Variants in CLCA2 observed in about 807,000 individuals in gnomAD.
The protein encoded by CLCA2 is calcium-activated chloride channel regulator 2.
In CLCA2, 85 loss-of-function variants were observed where a neutral mutation model predicts 82.9. That is an observed-to-expected ratio of 1.03 (90% confidence interval 0.86 to 1.23). The LOEUF is 1.23. CLCA2 is among the 50% of genes most tolerant of loss of function. The pLI is 0.00. For synonymous variants in CLCA2, 421 were observed against 391.7 expected (o/e 1.07, Z -0.88); for missense variants, 1,089 against 1,124.8 (o/e 0.97, Z 0.45).
At chr1:86,454,986 ATT>A in intron 13 of CLCA2, 97 bp from the exon 14 acceptor site, 1 of 630,006 alleles carries the variant, frequency 1.6e-6, no homozygotes, top group Non-Finnish European at 2.6e-6. Context: ...ATTTCTAAAT[ATT>A]TTGACTTTTT....
chr1:86,447,541 C>T lies in CLCA2; in HGVS notation c.1747C>T (p.His583Tyr), dbSNP rs749777390. 2 of 1,613,948 alleles carry T rather than the reference C, an allele frequency of 1.2e-6. No individual in the cohort carries two copies. Among genetic ancestry groups the T allele is most frequent in the East Asian group, 2.2e-5 (1 of 44,896 alleles). Residue 583 changes from histidine to tyrosine, a missense_variant, in exon 11 of 14, where the codon CAT becomes TAT. Physicochemically the swap from His to Tyr is moderately conservative, Grantham distance 83. Transcript: ENST00000370565. ...CTGGACTTACACCCTGAACAATACC[C>T]ATCATTCTCTGCAAGCCCTGAAAGT... is the stretch of plus-strand genomic sequence containing the variant. ...GHWTYTLNNT[H>Y]HSLQALKVTV...
intron 6 of CLCA2, 131 bp downstream of exon 6, chr1:86,434,876 C>A: frequency 1.4e-6 from 1 of 728,026 alleles, no homozygotes; most frequent in South Asian, 1.8e-5. Context: ...TAGACATGTG[C>A]CATAGTGGTT....
chr1:86,441,211 T>C (rs1662730022), intron 8 of CLCA2, among the ~76,000 whole-genome samples: 1 of 152,156 alleles, frequency 6.6e-6, no homozygotes, highest in African/African-American at 2.4e-5. Flanking sequence ...GTACATAAGT[T>C]CTAGGCCCTG....
At chr1:86,440,502 C>T (rs979370396) in intron 8 of CLCA2, among the ~76,000 whole-genome samples, 177 bp downstream of exon 8, 5 of 152,040 alleles carry the variant, frequency 3.3e-5, no homozygotes, top group East Asian at 3.9e-4. Flanking sequence ...TTTACATTTT[C>T]CCTAAAGGTT....
intron 6 of CLCA2, among the ~76,000 whole-genome samples, chr1:86,435,630 C>T (rs921712674): frequency 4.6e-5 from 7 of 152,130 alleles, no homozygotes; most frequent in Non-Finnish European, 8.8e-5. Context: ...CATGATGGCC[C>T]CTCTGAAGCA....
chr1:86,429,591 A>G (rs1359619127), intron 3 of CLCA2, among the ~76,000 whole-genome samples: 1 of 152,224 alleles, frequency 6.6e-6, no homozygotes, highest in East Asian at 1.9e-4. Flanking sequence ...TCAGGGTCAT[A>G]GGCCTAGAGA....
chr1:86,426,130 C>A (rs938061105), intron 2 of CLCA2, among the ~76,000 whole-genome samples: 3 of 151,998 alleles, frequency 2.0e-5, no homozygotes, highest in Non-Finnish European at 4.4e-5. Context: ...CTGGTACATA[C>A]TAGTGTGCAC....
chr1:86,428,823 T>A (rs191024351), intron 3 of CLCA2, among the ~76,000 whole-genome samples: 1 of 152,230 alleles, frequency 6.6e-6, no homozygotes, highest in East Asian at 1.9e-4. Flanking sequence ...TCAAGGGTGG[T>A]CAGAAATGTC....
At chr1:86,450,893 T>C (rs981248585) in intron 12 of CLCA2, among the ~76,000 whole-genome samples, 160 bp downstream of exon 12, 15 of 152,196 alleles carry the variant, frequency 9.9e-5, no homozygotes, top group African/African-American at 3.6e-4. Context: ...TCTTCAATCC[T>C]CAGTGATTCA....
At chr1:86,429,143 G>A (rs550365857) in intron 3 of CLCA2, among the ~76,000 whole-genome samples, 63 of 152,204 alleles carry the variant, frequency 4.1e-4, no homozygotes, top group African/African-American at 1.5e-3. Context: ...ATCAATGAAG[G>A]AGAAACTGGA....
intron 5 of CLCA2, 100 bp from the exon 6 acceptor site, chr1:86,434,418 T>C: frequency 1.1e-6 from 1 of 912,030 alleles, no homozygotes. Flanking sequence ...TTCTTTTCTT[T>C]CAGTTCACCT....
intron 4 of CLCA2, 52 bp from the exon 5 acceptor site, chr1:86,432,317 C>T: frequency 6.3e-7 from 1 of 1,589,320 alleles, no homozygotes; most frequent in Admixed American, 1.8e-5. Flanking sequence ...CAACAAGAAA[C>T]ATAAGTGTTT....
At chr1:86,435,185 T>G (rs1558106879) in intron 6 of CLCA2, among the ~76,000 whole-genome samples, 3 of 152,158 alleles carry the variant, frequency 2.0e-5, no homozygotes, top group Non-Finnish European at 4.4e-5. Context: ...ATCCTATTTT[T>G]TGGGGGTTGG....
intron 2 of CLCA2, among the ~76,000 whole-genome samples, chr1:86,426,552 G>C (rs546976412): frequency 1.6e-4 from 25 of 152,252 alleles, no homozygotes; most frequent in African/African-American, 6.0e-4. Flanking sequence ...ATAGGTGGGG[G>C]AACTGGGGTA....
chr1:86,431,004 T>G (rs1662488116), intron 4 of CLCA2, 34 bp downstream of exon 4: 2 of 1,442,508 alleles, frequency 1.4e-6, no homozygotes, highest in Non-Finnish European at 1.9e-6. Context: ...AATTCATTAT[T>G]TATTTGACTC....
In CLCA2 at chr1:86,434,726, T is replaced by C; in HGVS notation, c.953T>C (p.Val318Ala). 1 of 1,611,058 alleles carries C rather than the reference T, an allele frequency of 6.2e-7. No homozygotes were observed. The highest frequency in any genetic ancestry group is 1.3e-5 in the African/African-American group (1 of 75,006). Residue 318 changes from valine (V) to alanine (A), a missense_variant, in exon 6 of 14, where the codon GTG (valine) becomes GCG (alanine). Physicochemically the swap from Val to Ala is moderately conservative, Grantham distance 64. Coordinates refer to ENST00000370565, the MANE Select transcript of CLCA2 (RefSeq NM_006536.7). ...AAAGTGGTCTGTTTAGTGCTGGATG[T>C]GTCCAGCAAGATGGCAGAGGTAACA... is the stretch of plus-strand genomic sequence containing the variant. ...GDKVVCLVLD[V>A]SSKMAEADRL...
chr1:86,438,163 T>G (rs1558108955), intron 6 of CLCA2, among the ~76,000 whole-genome samples: 1 of 152,158 alleles, frequency 6.6e-6, no homozygotes, highest in African/African-American at 2.4e-5. Context: ...GAGATCAGTG[T>G]CATCCCTGAG....
At position 86,430,769 on chromosome 1, in the gene CLCA2, A is replaced by G. The variant is rs374616980; in HGVS notation, c.476-93A>G. ...AAACTCTTTGGTCATTCCAAAGAGTATGTGTGGTCAAGAAATGTTACGTCT... is the reference window on the plus strand; with the variant it reads ...AAACTCTTTGGTCATTCCAAAGAGTGTGTGTGGTCAAGAAATGTTACGTCT... On this transcript the variant is annotated intron_variant, in intron 3 of 13. Coordinates refer to ENST00000370565, the MANE Select transcript of CLCA2 (RefSeq NM_006536.7). 81 of 899,714 alleles carry G rather than the reference A, an allele frequency of 9.0e-5. No homozygotes were observed. The African/African-American group carries it at 1.2e-3, about 14-fold the overall frequency. The allele number at this position is 899,714 out of a possible 1,614,324, so 55.7% of individuals were successfully genotyped here. A position where few individuals can be genotyped will look rare whatever the true frequency, so the allele number is the denominator to read the frequency against.
chr1:86,444,820 A>T (rs1382544929), intron 10 of CLCA2, among the ~76,000 whole-genome samples: 14 of 152,186 alleles, frequency 9.2e-5, no homozygotes, highest in Admixed American at 9.2e-4. Flanking sequence ...TAAGTTGATC[A>T]GATTCACTCT....
Sources: allele counts gnomAD v4.1 joint callset (sites outside exome capture counted in the v4.1 genomes callset), GRCh38; gene constraint gnomAD v4.1.1; transcripts MANE v1.5; gene names NCBI Gene and HGNC (gene_info 2026-07-23, HGNC 2026-07-21).